The following MROH2B variants were observed in gnomAD, a reference collection of about 807,000 sequenced individuals.
MROH2B encodes maestro heat-like repeat-containing protein family member 2B.
A neutral mutation model predicts 208.6 loss-of-function variants in MROH2B; 177 were observed. That is an observed-to-expected ratio of 0.85 (90% CI 0.75 to 0.96). The LOEUF (loss-of-function observed/expected upper bound fraction) is 0.96, where lower values mean the gene tolerates loss of function less well. Among genes scored for constraint, MROH2B ranks in the 40% least tolerant of loss-of-function variants. The pLI is 0.00. For missense variants in MROH2B, 2,002 were observed against 1,878.7 expected, an observed-to-expected ratio of 1.07 and a Z score of -1.21; for synonymous variants, 728 against 659.0, an observed-to-expected ratio of 1.10 and a Z score of -1.60.
rs888495291 is a variant in MROH2B, at chr5:41,018,926, A to T, written c.2534T>A (p.Leu845Gln). The T allele has an allele frequency of 1.2e-6, 2 of 1,613,878 alleles. No individual in the cohort carries two copies. The highest frequency in any genetic ancestry group is 1.7e-6 in the Non-Finnish European group (2 of 1,179,872). The part of the protein sequence containing the change: ...RLLPLPPLEN[L>Q]KSEGQTDKDK... ...CTTGTCTGTCTGGCCTTCACTTTTC[A>T]GATTTTCCAGAGGTGGAAGGGGCAG... is the stretch of plus-strand genomic sequence containing the variant. Residue 845 changes from leucine (L) to glutamine (Q), a missense_variant, in exon 25 of 42, where the codon CTG (leucine) becomes CAG (glutamine). Transcript: ENST00000399564.
chr5:41,050,034 CCAGACT>C (rs1175044800), intron 13 of MROH2B, among the ~76,000 whole-genome samples: 2 of 152,172 alleles, frequency 1.3e-5, no homozygotes, highest in Non-Finnish European at 2.9e-5. Context: ...TATTTAATCA[CCAGACT>C]CAGTCCTTTT....
chr5:41,004,659 C>T, intron 36 of MROH2B, 115 bp downstream of exon 36: 2 of 1,524,532 alleles, frequency 1.3e-6, no homozygotes, highest in Non-Finnish European at 1.8e-6. Context: ...ACTACCACTT[C>T]AGCAATGTAT....
intron 6 of MROH2B, among the ~76,000 whole-genome samples, chr5:41,058,928 AT>A (rs932807150): frequency 6.6e-6 from 1 of 150,942 alleles, no homozygotes. Context: ...GGCGCCTGTA[AT>A]CCCAGCTACT....
In MROH2B at chr5:41,029,298, T is replaced by C. The variant is rs534996788; in HGVS notation, c.2441+3444A>G. Reference sequence around the variant, plus strand: ...TTGAGAAATGTCTACTCTGGTCCTTTGTCCATTTTTAAATCAGGTTATATA... The same window carrying C: ...TTGAGAAATGTCTACTCTGGTCCTTCGTCCATTTTTAAATCAGGTTATATA... On this transcript the variant is annotated intron_variant, in intron 24 of 41. Coordinates refer to ENST00000399564, the MANE Select transcript of MROH2B (RefSeq NM_173489.5). Among the ~76,000 whole-genome samples, 4 of 152,300 alleles carry C rather than the reference T, an allele frequency of 2.6e-5. No individual in the cohort carries two copies. In the East Asian group the frequency reaches 5.8e-4, roughly 22 times the overall value.
chr5:41,005,486 C>T, intron 35 of MROH2B, 45 bp downstream of exon 35: 1 of 1,251,040 alleles, frequency 8.0e-7, no homozygotes, highest in South Asian at 1.2e-5. Flanking sequence ...GAGAAATACC[C>T]TATGGGGACC....
chr5:41,031,490 G>C (rs892796379), intron 24 of MROH2B, among the ~76,000 whole-genome samples: 2 of 152,098 alleles, frequency 1.3e-5, no homozygotes, highest in African/African-American at 4.8e-5. Flanking sequence ...AGACCAAAAT[G>C]CTGGCAATGG....
chr5:41,065,201 C>T, intron 4 of MROH2B, 130 bp downstream of exon 4: 1 of 930,700 alleles, frequency 1.1e-6, no homozygotes, highest in Non-Finnish European at 1.5e-6. Context: ...TGCCCACATC[C>T]CTCTGTCAAT....
Position 41,045,756 on chromosome 5 carries a change from G to T in MROH2B, c.1826C>A (p.Ser609Tyr). The T allele has an allele frequency of 6.2e-7, 1 of 1,613,234 alleles. No individual in the cohort carries two copies. Among genetic ancestry groups the T allele is most frequent in the Non-Finnish European group, 8.5e-7 (1 of 1,179,358 alleles). ...AGCTGAAAAACCAACCTTCTCAGTG[G>T]AGTTATTGCTGTAACTGCCCATTTG... ...KQQMGSYSNN[S>Y]TEKKFLWKAL... The change falls in exon 18 of 42, where the codon TCC (serine) becomes TAC (tyrosine). Residue 609 changes from serine (S) to tyrosine (Y), a missense_variant. By Grantham distance (144) the Ser-to-Tyr change is moderately radical (BLOSUM62 -2). Transcript: ENST00000399564.
At chr5:41,036,123 T>A (rs1490517239) in intron 21 of MROH2B, among the ~76,000 whole-genome samples, 1 of 124,248 alleles carries the variant, frequency 8.0e-6, no homozygotes, top group African/African-American at 3.1e-5. Context: ...ATACATATAT[T>A]ATATATACAC....
Position 41,017,908 on chromosome 5 carries a change from G to A in MROH2B, c.2826C>T (p.Thr942=). The part of the protein sequence containing the change: ...LGLLAPHSCD[T]LPTIRQAAAS... ...CAGCCGCCTGACGGATGGTGGGCAG[G>A]GTATCACAGGAGTGAGGAGCCAGAA... The change falls in exon 28 of 42, where the codon ACC becomes ACT. Residue 942 remains threonine (T), a synonymous_variant. Transcript: ENST00000399564. The A allele has an allele frequency of 6.3e-7, 1 of 1,587,670 alleles. No individual in the cohort carries two copies. The highest frequency in any genetic ancestry group is 8.6e-7 in the Non-Finnish European group (1 of 1,166,208).
At chr5:41,013,714 A>G (rs1741846900) in intron 29 of MROH2B, among the ~76,000 whole-genome samples, 2 of 152,190 alleles carry the variant, frequency 1.3e-5, no homozygotes, top group Non-Finnish European at 2.9e-5. Flanking sequence ...TTTGTCTCAC[A>G]GTGGGATGGA....
rs777383451 is a variant in MROH2B at position 40,998,631 on chromosome 5, G to A, written c.4632C>T (p.Asp1544=). The A allele has an allele frequency of 7.5e-6, 12 of 1,596,898 alleles. No homozygotes were observed. Among genetic ancestry groups the A allele is most frequent in the South Asian group, 1.1e-5 (1 of 87,784 alleles). Residue 1544 remains aspartate (D), a synonymous_variant, in exon 41 of 42, where the codon GAC becomes GAT. Coordinates refer to ENST00000399564, the MANE Select transcript of MROH2B (RefSeq NM_173489.5). ...ACTCACGTGTGGTCAGTTGTTCTCT[G>A]TCTAGTAACTCCACATATTGGCTGG... ...NLTSQYVELL[D]REQLTTRLQA...
rs1315563345 is a variant in MROH2B, at chr5:41,017,891, TGAC to T, written c.2840_2842del (p.Arg947del). 1 of 1,592,058 alleles carries T rather than the reference TGAC, an allele frequency of 6.3e-7. No homozygotes were observed. The highest frequency in any genetic ancestry group is 8.6e-7 in the Non-Finnish European group (1 of 1,168,686). On this transcript the variant is annotated inframe_deletion, in exon 28 of 42. Coordinates refer to ENST00000399564, the MANE Select transcript of MROH2B (RefSeq NM_173489.5). Reference sequence around the variant, plus strand: ...ACCAATAGTTGAGCTAGCAGCCGCCTGACGGATGGTGGGCAGGGTATCACAGGA... The same window carrying T: ...ACCAATAGTTGAGCTAGCAGCCGCCTGGATGGTGGGCAGGGTATCACAGGA...
chr5:41,040,297 C>T (rs1000796109), intron 19 of MROH2B, among the ~76,000 whole-genome samples: 1 of 152,200 alleles, frequency 6.6e-6, no homozygotes, highest in African/African-American at 2.4e-5. Flanking sequence ...GTCCCCACCT[C>T]TCTTGTCCAA....
At position 41,018,867 on chromosome 5, in the gene MROH2B, C is replaced by G. The variant is rs552748115; in HGVS notation, c.2577+16G>C. ...ACTGCAGACTGTCATCCTACTTAGG[C>G]CTCACTAGTGCATACTTGAATGTGC... On this transcript the variant is annotated intron_variant, in intron 25 of 41. Transcript: ENST00000399564. 23 of 1,613,792 alleles carry G rather than the reference C, an allele frequency of 1.4e-5. 1 individual carries two copies. The South Asian group carries it at 2.4e-4, about 17-fold the overall frequency.
chr5:41,013,770 C>T (rs531797180), intron 29 of MROH2B, among the ~76,000 whole-genome samples: 19 of 152,172 alleles, frequency 1.2e-4, no homozygotes, highest in East Asian at 1.9e-4. Flanking sequence ...TGTTTTTGAG[C>T]GCCTATTATG....
At position 41,061,721 on chromosome 5, in the gene MROH2B, A is replaced by G. The variant is rs1276706489; in HGVS notation, c.464T>C (p.Leu155Pro). 3 of 1,613,388 alleles carry G rather than the reference A, an allele frequency of 1.9e-6. No homozygotes were observed. The African/African-American group carries it at 4.0e-5, about 22-fold the overall frequency. The change falls in exon 6 of 42, where the codon CTT becomes CCT. Residue 155 changes from leucine (L) to proline (P), a missense_variant. By Grantham distance (98) the Leu-to-Pro change is moderately conservative (BLOSUM62 -3). Transcript: ENST00000399564. ...GTAAATGGCTTTGCTGAATTTCTCA[A>G]GGGCTGCATTTAAAACACACAACCA... is the stretch of plus-strand genomic sequence containing the variant. ...ERMKGTFCIA[L>P]EKFSKAIYKY...
At chr5:41,020,590 C>A (rs931076820) in intron 24 of MROH2B, among the ~76,000 whole-genome samples, 1 of 152,138 alleles carries the variant, frequency 6.6e-6, no homozygotes, top group Non-Finnish European at 1.5e-5. Flanking sequence ...ACATAGATGC[C>A]ACTTAATAAT....
rs748383223 is a variant in MROH2B at position 41,055,848 on chromosome 5, G to A, written c.927C>T (p.Ser309=). Residue 309 remains serine, a synonymous_variant, in exon 10 of 42, where the codon TCC becomes TCT. Coordinates refer to ENST00000399564, the MANE Select transcript of MROH2B (RefSeq NM_173489.5). ...AAAATTCCATCAGCTCTCCAGGATTGGAATGGGCTGCAGGTTCAAGAAACA... is the reference window on the plus strand; with the variant it reads ...AAAATTCCATCAGCTCTCCAGGATTAGAATGGGCTGCAGGTTCAAGAAACA... ...ASSCFLILAH[S]NPGELMEFFD... 6.2e-6 allele frequency: 10 copies of A among 1,611,806 alleles called. No homozygotes were observed. The South Asian group carries it at 1.1e-4, about 18-fold the overall frequency.
Sources: allele counts gnomAD v4.1 joint callset (sites outside exome capture counted in the v4.1 genomes callset), GRCh38; gene constraint gnomAD v4.1.1; transcripts MANE v1.5; gene names NCBI Gene and HGNC (gene_info 2026-07-23, HGNC 2026-07-21).